Variants in WNK3 observed in about 807,000 individuals in gnomAD.
The protein encoded by WNK3 is serine/threonine-protein kinase WNK3.
In WNK3, 18 loss-of-function variants were observed where a neutral mutation model predicts 116.7. That is an observed-to-expected ratio of 0.15 (90% confidence interval 0.11 to 0.23). WNK3 has a LOEUF of 0.23. WNK3 is among the 10% of genes least tolerant of loss of function. The pLI, the probability that WNK3 is intolerant of heterozygous loss-of-function variation, is 1.00. For synonymous variants in WNK3, 404 were observed against 469.4 expected, an observed-to-expected ratio of 0.86 and a Z score of 1.80; for missense variants, 993 against 1,323.8, an observed-to-expected ratio of 0.75 and a Z score of 3.88.
intron 1 of WNK3, among the ~76,000 whole-genome samples, chrX:54,357,331 T>A (rs2069607149): frequency 1.9e-5 from 2 of 106,693 alleles, no homozygotes; most frequent in Non-Finnish European, 3.9e-5. Flanking sequence ...TTGTCACCCC[T>A]CAACAACAAC....
In WNK3 at chrX:54,232,642, C is replaced by T. The variant is rs61513632; in HGVS notation, c.4840+167G>A. Reference sequence around the variant, plus strand: ...AATCTATCAATTATCCTAATCATTACTACATAAAAGGACATTTAACATCAA... The same window carrying T: ...AATCTATCAATTATCCTAATCATTATTACATAAAAGGACATTTAACATCAA... On this transcript the variant is annotated intron_variant, in intron 21 of 23. Transcript: ENST00000354646. 3,831 of 447,689 alleles carry T rather than the reference C, an allele frequency of 8.6e-3. 120 individuals carry two copies. In the African/African-American group the frequency reaches 0.086, roughly 10 times the overall value. The allele number at this position is 447,689 out of a possible 1,213,427, so 36.9% of individuals were successfully genotyped here. A position where few individuals can be genotyped will look rare whatever the true frequency, so the allele number is the denominator to read the frequency against.
At chrX:54,301,203 A>G (rs150300686) in intron 6 of WNK3, among the ~76,000 whole-genome samples, 1,407 of 102,876 alleles carry the variant, frequency 0.014, 41 homozygotes, top group African/African-American at 0.049. Flanking sequence ...AGATCGTACC[A>G]CTGCACTTCA....
At chrX:54,207,358 T>C (rs1557142855) in intron 22 of WNK3, among the ~76,000 whole-genome samples, 1 of 111,499 alleles carries the variant, frequency 9.0e-6, no homozygotes, top group Non-Finnish European at 1.9e-5. Flanking sequence ...AACTTTCTAC[T>C]GTAAATCCTC....
chrX:54,215,531 G>A (rs2067679908), intron 22 of WNK3, among the ~76,000 whole-genome samples: 3 of 112,276 alleles, frequency 2.7e-5, no homozygotes, highest in Admixed American at 1.9e-4. Flanking sequence ...CGTGATCTCC[G>A]CTCGCTACAA....
intron 17 of WNK3, 117 bp from the exon 18 acceptor site, chrX:54,239,216 A>C (rs2067997397): frequency 1.3e-5 from 7 of 538,794 alleles, no homozygotes; most frequent in East Asian, 1.2e-4. Flanking sequence ...AAAAAAAAAA[A>C]AACGGAATTT....
chrX:54,293,440 C>CA (rs2068662704), intron 8 of WNK3, 113 bp from the exon 9 acceptor site: 2 of 494,308 alleles, frequency 4.0e-6, no homozygotes, highest in East Asian at 7.7e-5. Context: ...GAGAACCTGA[C>CA]ATAGCTTCAA....
intron 10 of WNK3, among the ~76,000 whole-genome samples, chrX:54,279,830 G>A (rs782719355): frequency 2.7e-5 from 3 of 111,273 alleles, no homozygotes; most frequent in South Asian, 3.7e-4. Context: ...TGCATTTATC[G>A]TACATAAACT....
At chrX:54,269,369 C>T in intron 10 of WNK3, among the ~76,000 whole-genome samples, 1 of 111,559 alleles carries the variant, frequency 9.0e-6, no homozygotes, top group Admixed American at 9.6e-5. Context: ...TTAAAAACCA[C>T]AATATATAAC....
At chrX:54,251,504 G>T in intron 14 of WNK3, 28 bp downstream of exon 14, 1 of 1,205,013 alleles carries the variant, frequency 8.3e-7, no homozygotes, top group Non-Finnish European at 1.1e-6. Context: ...TATCTGAGAA[G>T]ATCTGTTTGC....
chrX:54,294,544 CTG>C lies in WNK3; in HGVS notation c.1693+7_1693+8del. On this transcript the variant is annotated splice_region_variant and intron_variant, in intron 8 of 23. Transcript: ENST00000354646. Reference sequence around the variant, plus strand: ...ATGCGTTTGCTTTTACAAGCTGTAACTGTGTTACCTGTAACAGAGGAGCAGTG... The same window carrying C: ...ATGCGTTTGCTTTTACAAGCTGTAACTGTTACCTGTAACAGAGGAGCAGTG... The C allele has an allele frequency of 8.8e-7, 1 of 1,139,767 alleles. No homozygotes were observed. Among genetic ancestry groups the C allele is most frequent in the Non-Finnish European group, 1.2e-6 (1 of 856,178 alleles). 93.9% of individuals were successfully genotyped at this position (1,139,767 alleles called of 1,213,427 possible).
intron 22 of WNK3, among the ~76,000 whole-genome samples, chrX:54,205,466 A>T (rs1357323146): frequency 9.0e-6 from 1 of 111,479 alleles, no homozygotes; most frequent in Admixed American, 9.6e-5. Flanking sequence ...AATAGCCAAC[A>T]AGTGGAGGAA....
intron 10 of WNK3, among the ~76,000 whole-genome samples, chrX:54,290,780 G>A (rs781881086): frequency 1.8e-3 from 201 of 111,350 alleles, no homozygotes; most frequent in African/African-American, 6.1e-3. Flanking sequence ...CAAGAAGAGA[G>A]GAGAGAGTTG....
intron 7 of WNK3, among the ~76,000 whole-genome samples, chrX:54,295,305 C>T (rs1458914751): frequency 9.0e-6 from 1 of 110,564 alleles, no homozygotes; most frequent in Non-Finnish European, 1.9e-5. Context: ...ACATAAATGC[C>T]AGAGCCTCTA....
exon 24 of WNK3, chrX:54,198,133 T>C (rs1365264968): frequency 5.6e-6 from 2 of 356,865 alleles, no homozygotes; most frequent in African/African-American, 5.2e-5. Context: ...CAGTGTTCTA[T>C]CTGCAAACTG....
intron 22 of WNK3, among the ~76,000 whole-genome samples, chrX:54,211,646 A>G (rs1440414785): frequency 9.1e-6 from 1 of 110,134 alleles, no homozygotes; most frequent in Non-Finnish European, 1.9e-5. Context: ...TCTACTAAAA[A>G]TACAAAAATT....
At chrX:54,232,408 T>G (rs782216725) in intron 21 of WNK3, among the ~76,000 whole-genome samples, 71 of 111,349 alleles carry the variant, frequency 6.4e-4, no homozygotes, top group Non-Finnish European at 1.1e-3. Flanking sequence ...TCCCAAAGTG[T>G]TGGGATTACA....
chrX:54,198,551 A>G (rs1415413427), exon 24 of WNK3: 1 of 1,208,012 alleles, frequency 8.3e-7, no homozygotes, highest in Non-Finnish European at 1.1e-6. Context: ...CCAGGAAATG[A>G]AGGGAGTGAG....
chrX:54,243,630 G>C (rs2068047303), intron 17 of WNK3, among the ~76,000 whole-genome samples: 1 of 111,181 alleles, frequency 9.0e-6, no homozygotes, highest in East Asian at 2.8e-4. Flanking sequence ...TACTTACCAG[G>C]ATGGCTATGA....
At chrX:54,346,324 G>A (rs1231856514) in intron 1 of WNK3, among the ~76,000 whole-genome samples, 31 of 100,568 alleles carry the variant, frequency 3.1e-4, no homozygotes, top group African/African-American at 1.1e-3. Context: ...TCGGTCGGCC[G>A]GGAGTGGTGG....
Sources: allele counts gnomAD v4.1 joint callset (sites outside exome capture counted in the v4.1 genomes callset), GRCh38; gene constraint gnomAD v4.1.1; transcripts MANE v1.5; gene names NCBI Gene and HGNC (gene_info 2026-07-23, HGNC 2026-07-21).